OAS3: variants seen among roughly 807,000 people sequenced by gnomAD.
The protein encoded by OAS3 is 2'-5'-oligoadenylate synthase 3.
A neutral mutation model predicts 113.0 loss-of-function variants in OAS3; 107 were observed. That is an observed-to-expected ratio of 0.95 (90% confidence interval 0.81 to 1.11). The LOEUF (loss-of-function observed/expected upper bound fraction) is 1.11, where lower values mean the gene tolerates loss of function less well. Ranked by LOEUF, OAS3 falls within the 50% of genes most tolerant of loss-of-function variation. The probability of loss-of-function intolerance (pLI) is 0.00; values close to 1 mark genes in which losing one functional copy is unlikely to be tolerated. For missense variants in OAS3, 1,258 were observed against 1,389.1 expected (o/e 0.91, Z 1.50); for synonymous variants, 552 against 573.6 (o/e 0.96, Z 0.54).
Position 112,944,507 on chromosome 12 carries a change from A to C in OAS3, c.492A>C (p.Pro164=). The C allele has an allele frequency of 3.7e-6, 6 of 1,614,056 alleles. No individual in the cohort carries two copies. Among genetic ancestry groups the C allele is most frequent in the Non-Finnish European group, 5.1e-6 (6 of 1,179,902 alleles). ...CCGGCTCCGGCGTCAAACCCAAGCCACAAGTCTACTCTACCCTCCTCAACA... is the reference window on the plus strand; with the variant it reads ...CCGGCTCCGGCGTCAAACCCAAGCCCCAAGTCTACTCTACCCTCCTCAACA... ...GQAGSGVKPK[P]QVYSTLLNSG... is the part of the protein sequence containing the mutation. The change falls in exon 3 of 16, where the codon CCA becomes CCC. Residue 164 remains proline (P), a synonymous_variant. Coordinates refer to ENST00000228928, the MANE Select transcript of OAS3 (RefSeq NM_006187.4).
Position 112,970,121 on chromosome 12 carries a change from T to C in OAS3, c.*148T>C, listed in dbSNP as rs1308005365. The C allele has an allele frequency of 4.4e-6, 4 of 917,018 alleles. No individual in the cohort carries two copies. In the East Asian group the frequency reaches 1.1e-4, roughly 24 times the overall value. 56.8% of individuals were successfully genotyped at this position (917,018 alleles called of 1,614,324 possible). ...GTGCATGTGTGTGCACACGTGTGCATGTGTGTGTTTTAGTGAATCTGCTCT... is the reference window on the plus strand; with the variant it reads ...GTGCATGTGTGTGCACACGTGTGCACGTGTGTGTTTTAGTGAATCTGCTCT... On this transcript the variant is annotated 3_prime_UTR_variant, in exon 16 of 16. Transcript: ENST00000228928.
chr12:112,962,939 C>T, intron 9 of OAS3, 37 bp downstream of exon 9: 1 of 1,607,610 alleles, frequency 6.2e-7, no homozygotes, highest in African/African-American at 1.3e-5. Flanking sequence ...CTTCATTATC[C>T]TCCCCCTCCC....
At position 112,941,623 on chromosome 12, in the gene OAS3, T is replaced by C. The variant is rs2043680132; in HGVS notation, c.231T>C (p.Leu77=). 1 of 1,613,904 alleles carries C rather than the reference T, an allele frequency of 6.2e-7. No individual in the cohort carries two copies. Among genetic ancestry groups the C allele is most frequent in the African/African-American group, 1.3e-5 (1 of 74,924 alleles). Residue 77 remains leucine (L), a synonymous_variant, in exon 2 of 16, where the codon CTT becomes CTC. Transcript: ENST00000228928. ...TALKGGCDSE[L]VIFLDCFKSY... is the part of the protein sequence containing the mutation. Reference sequence around the variant, plus strand: ...TCAAGGGTGGCTGTGATTCTGAACTTGTCATCTTCCTCGACTGCTTCAAGA... The same window carrying C: ...TCAAGGGTGGCTGTGATTCTGAACTCGTCATCTTCCTCGACTGCTTCAAGA...
At position 112,970,119 on chromosome 12, in the gene OAS3, CAT is replaced by C; in HGVS notation, c.*147_*148del. 1 of 929,306 alleles carries C rather than the reference CAT, an allele frequency of 1.1e-6. No individual in the cohort carries two copies. Among genetic ancestry groups the C allele is most frequent in the Admixed American group, 2.0e-5 (1 of 48,830 alleles). The allele number at this position is 929,306 out of a possible 1,614,324, so 57.6% of individuals were successfully genotyped here. A position where few individuals can be genotyped will look rare whatever the true frequency, so the allele number is the denominator to read the frequency against. On this transcript the variant is annotated 3_prime_UTR_variant, in exon 16 of 16. Coordinates refer to ENST00000228928, the MANE Select transcript of OAS3 (RefSeq NM_006187.4). The stretch of plus-strand genomic sequence containing the variant: ...GTGTGCATGTGTGTGCACACGTGTG[CAT>C]GTGTGTGTTTTAGTGAATCTGCTCT...
chr12:112,967,502 CCTGCT>C lies in OAS3; in HGVS notation c.2775_2779del (p.Cys926HisfsTer66). On this transcript the variant is annotated frameshift_variant, in exon 13 of 16. Transcript: ENST00000228928. LOFTEE classifies it high-confidence loss of function. ...TACAGCAATGCGGGCGAGTACTCCA[CCTGCT>C]TCACAGAGCTACAACGGGACTTCAT... 6.2e-7 allele frequency: 1 copy of C among 1,613,852 alleles called. No homozygotes were observed. Among genetic ancestry groups the C allele is most frequent in the Non-Finnish European group, 8.5e-7 (1 of 1,179,848 alleles).
At chr12:112,942,913 A>G (rs1164681266) in intron 2 of OAS3, among the ~76,000 whole-genome samples, 1 of 151,582 alleles carries the variant, frequency 6.6e-6, no homozygotes, top group African/African-American at 2.4e-5. Context: ...AGCCTAGTGT[A>G]CCCACATACT....
At position 112,966,179 on chromosome 12, in the gene OAS3, G is replaced by A. The variant is rs2043932052; in HGVS notation, c.2689+150G>A. ...TGTGTATGTTCATCACAACTTTCCT[G>A]CAAAGTATCTAAAGAAGAGGGCCCC... On this transcript the variant is annotated intron_variant, in intron 12 of 15. Transcript: ENST00000228928. 4 of 865,548 alleles carry A rather than the reference G, an allele frequency of 4.6e-6. No homozygotes were observed. In the African/African-American group the frequency reaches 5.1e-5, roughly 11 times the overall value. The allele number at this position is 865,548 out of a possible 1,614,324, so 53.6% of individuals were successfully genotyped here.
chr12:112,938,804 C>A, intron 1 of OAS3, 97 bp downstream of exon 1: 2 of 934,400 alleles, frequency 2.1e-6, no homozygotes, highest in Non-Finnish European at 3.0e-6. Flanking sequence ...GCTTTATCCG[C>A]TTGTGCACCT....
In OAS3 at chr12:112,964,250, C is replaced by G. The variant is rs1164451115; in HGVS notation, c.2245C>G (p.Gln749Glu). 6.3e-7 allele frequency: 1 copy of G among 1,592,946 alleles called. No individual in the cohort carries two copies. Among genetic ancestry groups the G allele is most frequent in the Admixed American group, 1.7e-5 (1 of 57,520 alleles). The stretch of plus-strand genomic sequence containing the variant: ...CTCTCTGCAGCCAGCCCTCCTTTAC[C>G]AAACCCCAGCTGGGGACCTTGACAA... The part of the protein sequence containing the change: ...PWDVMPALLY[Q>E]TPAGDLDKFI... The change falls in exon 11 of 16, where the codon CAA becomes GAA. Residue 749 changes from glutamine (Q) to glutamate (E), a missense_variant. Physicochemically the swap from Gln to Glu is conservative, Grantham distance 29. Transcript: ENST00000228928.
intron 3 of OAS3, chr12:112,945,429 G>C (rs2043719582): frequency 6.5e-6 from 1 of 154,058 alleles, no homozygotes; most frequent in African/African-American, 2.4e-5. Context: ...CATATTCAGG[G>C]CTTTGGCCTG....
chr12:112,967,966 C>T lies in OAS3; in HGVS notation c.2896C>T (p.Leu966=), dbSNP rs1306949975. The change falls in exon 14 of 16, where the codon CTA becomes TTA. Residue 966 remains leucine (L), a synonymous_variant. Coordinates refer to ENST00000228928, the MANE Select transcript of OAS3 (RefSeq NM_006187.4). ...CAAGATCTCCAAGGGGAGAGGCTCC[C>T]TACCCCCACAGCACGGGCTGGAACT... ...CTKISKGRGS[L]PPQHGLELLT... is the part of the protein sequence containing the mutation. The T allele has an allele frequency of 1.9e-6, 3 of 1,613,938 alleles. No individual in the cohort carries two copies. The highest frequency in any genetic ancestry group is 2.5e-6 in the Non-Finnish European group (3 of 1,179,848).
chr12:112,967,410 A>G lies in OAS3; in HGVS notation c.2690-8A>G. 1.2e-6 allele frequency: 2 copies of G among 1,608,286 alleles called. No individual in the cohort carries two copies. Among genetic ancestry groups the G allele is most frequent in the South Asian group, 1.1e-5 (1 of 89,786 alleles). On this transcript the variant is annotated splice_region_variant and splice_polypyrimidine_tract_variant and intron_variant, in intron 12 of 15. Coordinates refer to ENST00000228928, the MANE Select transcript of OAS3 (RefSeq NM_006187.4). ...CCGGAGTGATGGTAACCATCTCCCC[A>G]TCTCCAGGCCAGCTGGTCTCTGGCT...
At chr12:112,962,271 C>A (rs1351847452) in intron 8 of OAS3, among the ~76,000 whole-genome samples, 1 of 152,228 alleles carries the variant, frequency 6.6e-6, no homozygotes, top group Non-Finnish European at 1.5e-5. Flanking sequence ...GGATACATTG[C>A]AGCCCCTATT....
rs759811887 is a variant in OAS3 at position 112,941,739 on chromosome 12, T to C, written c.347T>C (p.Leu116Pro). The change falls in exon 2 of 16, where the codon CTG becomes CCG. Residue 116 changes from leucine to proline, a missense_variant. Physicochemically the swap from Leu to Pro is moderately conservative, Grantham distance 98. Transcript: ENST00000228928. Reference protein sequence around the residue: ...ESWWQNPVPGLRLTFPEQSVP... With the variant: ...ESWWQNPVPGPRLTFPEQSVP... ...TGGTGGCAGAACCCAGTCCCTGGTC[T>C]GAGACTCACGTTTCCTGAGCAGAGC... The C allele has an allele frequency of 2.0e-5, 32 of 1,614,040 alleles. No homozygotes were observed. The Admixed American group carries it at 5.3e-4, about 27-fold the overall frequency.
chr12:112,940,129 G>C (rs529661903), intron 1 of OAS3, among the ~76,000 whole-genome samples: 1 of 152,180 alleles, frequency 6.6e-6, no homozygotes, highest in South Asian at 2.1e-4. Context: ...CTGTGCTTTC[G>C]TTTCCTCTTT....
At chr12:112,961,615 C>T (rs940017378) in intron 8 of OAS3, among the ~76,000 whole-genome samples, 1 of 152,096 alleles carries the variant, frequency 6.6e-6, no homozygotes, top group Admixed American at 6.5e-5. Context: ...TTCTGGAAGC[C>T]TAGAGCTGGC....
chr12:112,958,467 T>G (rs1281178078), intron 7 of OAS3, among the ~76,000 whole-genome samples: 1 of 152,266 alleles, frequency 6.6e-6, no homozygotes, highest in Non-Finnish European at 1.5e-5. Flanking sequence ...GCCCCCCATC[T>G]TTGTGGCTTT....
In OAS3 at chr12:112,949,062, A is replaced by G; in HGVS notation, c.1231A>G (p.Ile411Val). The change falls in exon 6 of 16, where the codon ATC becomes GTC. Residue 411 changes from isoleucine to valine, a missense_variant. Coordinates refer to ENST00000228928, the MANE Select transcript of OAS3 (RefSeq NM_006187.4). ...VPGMALDLSQ[I>V]PTKELDRFIQ... is the part of the protein sequence containing the mutation. ...GGGAATGGCCTTGGACCTGTCTCAG[A>G]TCCCCACCAAGGAGCTGGACCGCTT... The G allele has an allele frequency of 6.2e-7, 1 of 1,614,002 alleles. No homozygotes were observed. The highest frequency in any genetic ancestry group is 8.5e-7 in the Non-Finnish European group (1 of 1,179,886).
At position 112,941,798 on chromosome 12, in the gene OAS3, G is replaced by T. The variant is rs374475745; in HGVS notation, c.406G>T (p.Val136Leu). The T allele has an allele frequency of 6.2e-7, 1 of 1,613,980 alleles. No homozygotes were observed. Among genetic ancestry groups the T allele is most frequent in the Non-Finnish European group, 8.5e-7 (1 of 1,179,884 alleles). Residue 136 changes from valine to leucine, a missense_variant, in exon 2 of 16, where the codon GTA (valine) becomes TTA (leucine). Transcript: ENST00000228928. ...PGALQFRLTS[V>L]DLEDWMDVSL... Reference sequence around the variant, plus strand: ...GGCCCTGCAGTTCCGCCTGACATCCGTAGATCTTGAGGACTGGATGGATGT... The same window carrying T: ...GGCCCTGCAGTTCCGCCTGACATCCTTAGATCTTGAGGACTGGATGGATGT...
Sources: allele counts gnomAD v4.1 joint callset (sites outside exome capture counted in the v4.1 genomes callset), GRCh38; gene constraint gnomAD v4.1.1; transcripts MANE v1.5; gene names NCBI Gene and HGNC (gene_info 2026-07-23, HGNC 2026-07-21).